The following ASAP1 variants were observed in gnomAD, a reference collection of about 807,000 sequenced individuals.
ASAP1 encodes the protein ArfGAP with SH3 domain, ankyrin repeat and PH domain 1.
ASAP1 carries 43 observed loss-of-function variants against 145.2 expected under a neutral mutation model. That is an observed-to-expected ratio of 0.30 (90% CI 0.23 to 0.38). The LOEUF (loss-of-function observed/expected upper bound fraction) is 0.38, where lower values mean the gene tolerates loss of function less well. Among genes scored for constraint, ASAP1 ranks in the 10% least tolerant of loss-of-function variants. ASAP1 has a pLI of 1.00. For synonymous variants in ASAP1, 546 were observed against 515.5 expected (o/e 1.06, Z -0.80); for missense variants, 1,018 against 1,355.3 (o/e 0.75, Z 3.91).
chr8:130,298,971 T>C (rs1403983927), intron 3 of ASAP1, among the ~76,000 whole-genome samples: 2 of 152,218 alleles, frequency 1.3e-5, no homozygotes, highest in Non-Finnish European at 2.9e-5. Flanking sequence ...GCTAGCAAAG[T>C]GCTTGGAACA....
At chr8:130,249,364 C>T (rs1432703307) in intron 3 of ASAP1, among the ~76,000 whole-genome samples, 2 of 152,138 alleles carry the variant, frequency 1.3e-5, no homozygotes, top group Non-Finnish European at 2.9e-5. Flanking sequence ...ACTTTATATT[C>T]CTGGTTCTCC....
intron 14 of ASAP1, 35 bp from the exon 15 acceptor site, chr8:130,134,379 T>C: frequency 7.1e-7 from 1 of 1,414,408 alleles, no homozygotes; most frequent in Non-Finnish European, 9.7e-7. Flanking sequence ...AGTGAAACCT[T>C]AGAAAGCAGG....
At chr8:130,279,156 G>A (rs1821105085) in intron 3 of ASAP1, among the ~76,000 whole-genome samples, 1 of 151,888 alleles carries the variant, frequency 6.6e-6, no homozygotes, top group Non-Finnish European at 1.5e-5. Flanking sequence ...GACAGAGAGG[G>A]GAAAAAAAAT....
rs1310675750 is a variant in ASAP1, at chr8:130,358,034, C to T, written c.169G>A (p.Val57Ile). 1 of 1,609,052 alleles carries T rather than the reference C, an allele frequency of 6.2e-7. No homozygotes were observed. The highest frequency in any genetic ancestry group is 1.1e-5 in the South Asian group (1 of 90,616). ...TTRLHNCRNT[V>I]TLLEEALDQD... The stretch of plus-strand genomic sequence containing the variant: ...CGACCTACCTCCTCCAGCAGCGTGA[C>T]GGTGTTCCTGCAGTTGTGCAGCCGC... Residue 57 changes from valine to isoleucine, a missense_variant, in exon 3 of 30, where the codon GTC (valine) becomes ATC (isoleucine). By Grantham distance (29) the Val-to-Ile change is conservative (BLOSUM62 3). Coordinates refer to ENST00000518721, the MANE Select transcript of ASAP1 (RefSeq NM_018482.4). The surrounding 1 kb of genome is among the most constrained non-coding windows in gnomAD (Gnocchi z 4.1).
At chr8:130,284,927 C>T (rs769326694) in intron 3 of ASAP1, among the ~76,000 whole-genome samples, 7 of 151,732 alleles carry the variant, frequency 4.6e-5, no homozygotes, top group Non-Finnish European at 1.0e-4. Flanking sequence ...GAGAGACATA[C>T]ACTCATGAGT....
intron 2 of ASAP1, among the ~76,000 whole-genome samples, chr8:130,378,706 T>C (rs1412680778): frequency 6.6e-6 from 1 of 152,218 alleles, no homozygotes; most frequent in Non-Finnish European, 1.5e-5. Context: ...GAAGGTTCAG[T>C]CTGGCTGCAA....
chr8:130,108,959 G>A (rs2097542254), intron 24 of ASAP1, among the ~76,000 whole-genome samples: 1 of 151,736 alleles, frequency 6.6e-6, no homozygotes, highest in African/African-American at 2.4e-5. Context: ...ATTTTTAGTA[G>A]AGACGGGGTT....
chr8:130,296,267 A>C (rs181294023), intron 3 of ASAP1, among the ~76,000 whole-genome samples: 20 of 152,314 alleles, frequency 1.3e-4, no homozygotes, highest in Admixed American at 3.9e-4. Flanking sequence ...ACCTGGTTGA[A>C]CACCAGAAAA....
chr8:130,257,853 GTTA>G (rs1326085074), intron 3 of ASAP1, among the ~76,000 whole-genome samples: 1 of 143,490 alleles, frequency 7.0e-6, no homozygotes, highest in African/African-American at 2.7e-5. Context: ...TAACATGTTA[GTTA>G]TATGCACTTG....
At chr8:130,413,452 T>C (rs1587000191) in intron 1 of ASAP1, among the ~76,000 whole-genome samples, 1 of 152,314 alleles carries the variant, frequency 6.6e-6, no homozygotes, top group Admixed American at 6.5e-5. Flanking sequence ...ATCAATAAAA[T>C]ATAATGTGGC....
At chr8:130,112,964 T>G (rs1430673855) in intron 23 of ASAP1, among the ~76,000 whole-genome samples, 2 of 152,136 alleles carry the variant, frequency 1.3e-5, no homozygotes, top group East Asian at 3.9e-4. Flanking sequence ...GTTCCTGCAT[T>G]CCCCTTGGAA....
chr8:130,152,334 G>C (rs537068294), intron 13 of ASAP1, among the ~76,000 whole-genome samples: 2 of 152,244 alleles, frequency 1.3e-5, no homozygotes, highest in East Asian at 3.9e-4. Context: ...GGTTTAAAAA[G>C]GGCAAAACTT....
intron 23 of ASAP1, among the ~76,000 whole-genome samples, chr8:130,114,526 C>T (rs1347056737): frequency 6.6e-6 from 1 of 152,150 alleles, no homozygotes; most frequent in Non-Finnish European, 1.5e-5. Flanking sequence ...TTTTATACAA[C>T]TCAGTGCAGT....
At chr8:130,436,244 C>T (rs1034460430) in intron 1 of ASAP1, among the ~76,000 whole-genome samples, 1 of 152,184 alleles carries the variant, frequency 6.6e-6, no homozygotes, top group African/African-American at 2.4e-5. Flanking sequence ...TAAACTCTCA[C>T]CTGTAATCCT....
intron 3 of ASAP1, among the ~76,000 whole-genome samples, chr8:130,300,178 A>AGC (rs1166235612): frequency 1.7e-4 from 26 of 149,526 alleles, no homozygotes; most frequent in Non-Finnish European, 3.4e-4. Flanking sequence ...AGAGAGAGAG[A>AGC]GAGAGAGAGC....
At chr8:130,336,288 G>A (rs560019421) in intron 3 of ASAP1, among the ~76,000 whole-genome samples, 1 of 152,304 alleles carries the variant, frequency 6.6e-6, no homozygotes, top group East Asian at 1.9e-4. Flanking sequence ...GCATGTTTAA[G>A]GTTATATATA....
At chr8:130,114,212 C>T (rs765788795) in intron 23 of ASAP1, among the ~76,000 whole-genome samples, 16 of 152,206 alleles carry the variant, frequency 1.1e-4, no homozygotes, top group Middle Eastern at 3.4e-3. Flanking sequence ...CGTTCTTGTG[C>T]GAACATCATA....
chr8:130,233,669 T>G (rs1472977283), intron 4 of ASAP1, among the ~76,000 whole-genome samples: 1 of 152,214 alleles, frequency 6.6e-6, no homozygotes, highest in Non-Finnish European at 1.5e-5. Context: ...GTAAGCTTTC[T>G]TTTATAGCGC....
chr8:130,282,376 T>C (rs1335448191), intron 3 of ASAP1, among the ~76,000 whole-genome samples: 1 of 152,228 alleles, frequency 6.6e-6, no homozygotes, highest in Non-Finnish European at 1.5e-5. Flanking sequence ...TTTGCATTTG[T>C]ATATTAATTC....
Sources: allele counts gnomAD v4.1 joint callset (sites outside exome capture counted in the v4.1 genomes callset), GRCh38; gene constraint gnomAD v4.1.1; non-coding constraint Gnocchi (gnomAD v3.1); transcripts MANE v1.5; gene names NCBI Gene and HGNC (gene_info 2026-07-23, HGNC 2026-07-21).